Variants in SUCO observed in about 807,000 individuals in gnomAD.
The protein encoded by SUCO is SUN domain-containing ossification factor.
In SUCO, 57 loss-of-function variants were observed where a neutral mutation model predicts 148.1. That is an observed-to-expected ratio of 0.38 (90% CI 0.31 to 0.48). The LOEUF is 0.48. Among genes scored for constraint, SUCO ranks in the 20% least tolerant of loss-of-function variants. SUCO has a pLI of 0.96. For synonymous variants in SUCO, 470 were observed against 502.7 expected (o/e 0.93, Z 0.87); for missense variants, 1,331 against 1,468.2 (o/e 0.91, Z 1.53).
intron 9 of SUCO, among the ~76,000 whole-genome samples, chr1:172,572,050 G>A (rs1406844146): frequency 2.8e-5 from 2 of 71,952 alleles, no homozygotes; most frequent in Admixed American, 1.2e-4. Context: ...CCCCCCGCCC[G>A]GCCAGCCGCC....
Position 172,533,388 on chromosome 1 carries a change from T to C in SUCO, c.-48T>C, listed in dbSNP as rs2149211963. 2.6e-6 allele frequency: 4 copies of C among 1,551,698 alleles called. No homozygotes were observed. Among genetic ancestry groups the C allele is most frequent in the Non-Finnish European group, 3.5e-6 (4 of 1,147,098 alleles). ...CCATCTTGGCCTCGGCAGTGGCGGC[T>C]GCCGGGAGGATGTGCCGCCTTCTGG... On this transcript the variant is annotated 5_prime_UTR_variant, in exon 1 of 24. Coordinates refer to ENST00000263688, the MANE Select transcript of SUCO (RefSeq NM_014283.5).
intron 1 of SUCO, 75 bp from the exon 2 acceptor site, chr1:172,551,437 T>C (rs1404237361): frequency 1.2e-6 from 1 of 866,456 alleles, no homozygotes; most frequent in Non-Finnish European, 1.8e-6. Context: ...TATAGAAATA[T>C]GTTGACTTAA....
rs778936980 is a variant in SUCO at position 172,589,491 on chromosome 1, A to T, written c.2390A>T (p.Asn797Ile). ...IEKPSITYET[N>I]KVNELMDNII... Reference sequence around the variant, plus strand: ...AAACCATCTATTACCTATGAAACAAATAAAGTTAATGAGTTAATGGATAAT... The same window carrying T: ...AAACCATCTATTACCTATGAAACAATTAAAGTTAATGAGTTAATGGATAAT... The change falls in exon 18 of 24, where the codon AAT becomes ATT. Residue 797 changes from asparagine (N) to isoleucine (I), a missense_variant. Around this residue, in one of 3 missense-constraint regions of SUCO, gnomAD observed 992 missense variants for 1,093.5 expected, o/e 0.91. Transcript: ENST00000263688. 5 of 1,611,230 alleles carry T rather than the reference A, an allele frequency of 3.1e-6. No individual in the cohort carries two copies. The highest frequency in any genetic ancestry group is 8.5e-7 in the Non-Finnish European group (1 of 1,179,010).
intron 15 of SUCO, among the ~76,000 whole-genome samples, chr1:172,584,673 T>C (rs1342269498): frequency 6.6e-6 from 1 of 152,094 alleles, no homozygotes; most frequent in African/African-American, 2.4e-5. Context: ...CTCGGGAGGC[T>C]GAGGCAGGGG....
intron 1 of SUCO, among the ~76,000 whole-genome samples, chr1:172,548,032 C>T (rs1652991979): frequency 6.6e-6 from 1 of 151,590 alleles, no homozygotes; most frequent in Admixed American, 6.6e-5. Context: ...TACTATGCTG[C>T]CTACTCTTCT....
chr1:172,573,466 A>G (rs1444964435), intron 9 of SUCO, among the ~76,000 whole-genome samples: 1 of 152,164 alleles, frequency 6.6e-6, no homozygotes, highest in Non-Finnish European at 1.5e-5. Context: ...AAAGGTGGAC[A>G]TCTGAAGCCT....
intron 1 of SUCO, among the ~76,000 whole-genome samples, chr1:172,544,958 G>T (rs894207814): frequency 6.6e-5 from 10 of 152,194 alleles, no homozygotes; most frequent in African/African-American, 2.2e-4. Context: ...CTAGGTAAGA[G>T]ATAAGGGCTT....
chr1:172,600,216 T>G, intron 20 of SUCO, 48 bp downstream of exon 20: 1 of 1,306,780 alleles, frequency 7.7e-7, no homozygotes, highest in African/African-American at 1.5e-5. Flanking sequence ...GTATAGAGGT[T>G]GTCATAAAGC....
Position 172,569,136 on chromosome 1 carries a change from GA to G in SUCO, c.856del (p.Ser286ValfsTer28). ...GAAGAAAGTTATGGAAGTAGAAAAA[GA>G]AAAAAGTAAGGAAGTATTTGAGTTC... ...WKKKVMEVEK[E>X]KSQSMHASSN... On this transcript the variant is annotated frameshift_variant, in exon 7 of 24. Coordinates refer to ENST00000263688, the MANE Select transcript of SUCO (RefSeq NM_014283.5). LOFTEE classifies it high-confidence loss of function. 6.5e-7 allele frequency: 1 copy of G among 1,545,586 alleles called. No homozygotes were observed.
rs1320216835 is a variant in SUCO, at chr1:172,610,155, C to G, written c.3661C>G (p.Gln1221Glu). 2 of 1,613,494 alleles carry G rather than the reference C, an allele frequency of 1.2e-6. No individual in the cohort carries two copies. Among genetic ancestry groups the G allele is most frequent in the East Asian group, 2.2e-5 (1 of 44,872 alleles). ...AGGAAAATTGATAAAAACTCTAATA[C>G]AGACTAAGTCGGGATCATTGCCGAG... ...DQGKLIKTLI[Q>E]TKSGSLPSLH... is the part of the protein sequence containing the mutation. The change falls in exon 24 of 24, where the codon CAG becomes GAG. Residue 1221 changes from glutamine (Q) to glutamate (E), a missense_variant. Gln to Glu is a conservative substitution (Grantham distance 29). Around this residue, in one of 3 missense-constraint regions of SUCO, gnomAD observed 334 missense variants for 352.3 expected, o/e 0.95. Coordinates refer to ENST00000263688, the MANE Select transcript of SUCO (RefSeq NM_014283.5).
chr1:172,584,010 T>C (rs947942237), intron 15 of SUCO, among the ~76,000 whole-genome samples: 3 of 152,214 alleles, frequency 2.0e-5, no homozygotes, highest in Non-Finnish European at 4.4e-5. Context: ...CACTTTGTTT[T>C]ATGACCTTGA....
intron 9 of SUCO, 98 bp from the exon 10 acceptor site, chr1:172,573,793 C>T: frequency 2.9e-6 from 2 of 680,308 alleles, no homozygotes; most frequent in South Asian, 2.0e-5. Context: ...ATGAGTAACT[C>T]TTAATGGTAG....
At chr1:172,552,742 T>G (rs1259933016) in intron 2 of SUCO, 1 of 586,964 alleles carries the variant, frequency 1.7e-6, no homozygotes, top group Non-Finnish European at 2.1e-6. Context: ...CAAACAAATG[T>G]CATAAAAGTG....
intron 1 of SUCO, among the ~76,000 whole-genome samples, chr1:172,537,694 C>G (rs971044327): frequency 6.6e-6 from 1 of 152,178 alleles, no homozygotes; most frequent in Non-Finnish European, 1.5e-5. Flanking sequence ...CAAATCTATT[C>G]TTCCTTCACC....
In SUCO at chr1:172,577,815, A is replaced by G. The variant is rs151109285; in HGVS notation, c.1336A>G (p.Ile446Val). ...GSEHFCPLSL[I>V]RVFGTSMVEE... ...AGAGCACTTTTGTCCATTAAGCCTT[A>G]TAAGGTAATGCAGAACAAAATACAT... Residue 446 changes from isoleucine (I) to valine (V), a missense_variant, in exon 13 of 24, where the codon ATA (isoleucine) becomes GTA (valine). Coordinates refer to ENST00000263688, the MANE Select transcript of SUCO (RefSeq NM_014283.5). The G allele has an allele frequency of 2.1e-5, 33 of 1,608,482 alleles. No homozygotes were observed. Among genetic ancestry groups the G allele is most frequent in the African/African-American group, 9.4e-5 (7 of 74,758 alleles).
chr1:172,542,399 A>T lies in SUCO; in HGVS notation c.62+8902A>T, dbSNP rs1469828744. 3.9e-5 allele frequency among the ~76,000 whole-genome samples: 6 copies of T among 152,222 alleles called. No individual in the cohort carries two copies. The East Asian group carries it at 1.2e-3, about 29-fold the overall frequency. On this transcript the variant is annotated intron_variant, in intron 1 of 23. Transcript: ENST00000263688. The stretch of plus-strand genomic sequence containing the variant: ...CTCCGTCTCAAAAAAAAAGAAAAAA[A>T]GTTGGCTGGAGTTATCCTCGTAAAG...
chr1:172,556,053 A>G, intron 4 of SUCO, 30 bp downstream of exon 4: 1 of 1,560,996 alleles, frequency 6.4e-7, no homozygotes, highest in Non-Finnish European at 8.8e-7. Context: ...AAACACAAAA[A>G]AGAATCTCCT....
intron 8 of SUCO, chr1:172,570,407 TAACTA>T (rs1654869911): frequency 4.1e-6 from 2 of 486,832 alleles, no homozygotes; most frequent in Non-Finnish European, 7.2e-6. Flanking sequence ...AAAAAGGAAA[TAACTA>T]AAATATTATT....
At chr1:172,542,694 C>G in intron 1 of SUCO, 2 of 983,630 alleles carry the variant, frequency 2.0e-6, no homozygotes, top group Middle Eastern at 5.2e-4. Context: ...AAACTGGTCT[C>G]TGGTGCCAAA....
Sources: gnomAD v4.1 joint callset for allele counts (sites outside exome capture counted in the v4.1 genomes callset) on GRCh38, gnomAD v4.1.1 for gene constraint, gnomAD v4.1.1 regional missense constraint, MANE v1.5 for transcripts, NCBI Gene and HGNC (gene_info 2026-07-23, HGNC 2026-07-21) for gene names.